ARID1A: variants seen among roughly 807,000 people sequenced by gnomAD.
ARID1A encodes the protein AT-rich interactive domain-containing protein 1A.
A neutral mutation model predicts 212.6 loss-of-function variants in ARID1A; 20 were observed. The ratio of observed to expected loss-of-function variants is 0.09; its 90% CI spans 0.07 to 0.14. ARID1A has a LOEUF of 0.14. ARID1A is among the 10% of genes least tolerant of loss of function. The pLI is 1.00. For missense variants in ARID1A, 2,587 were observed against 3,059.0 expected, an observed-to-expected ratio of 0.85 and a Z score of 3.64; for synonymous variants, 1,376 against 1,222.1, an observed-to-expected ratio of 1.13 and a Z score of -2.63.
At chr1:26,734,867 A>G (rs1477294152) in intron 4 of ARID1A, among the ~76,000 whole-genome samples, 1 of 152,214 alleles carries the variant, frequency 6.6e-6, no homozygotes, top group African/African-American at 2.4e-5. Flanking sequence ...TATTGGCACC[A>G]GAGCAGATTC....
chr1:26,760,686 CA>C (rs201898727), intron 4 of ARID1A, among the ~76,000 whole-genome samples, 169 bp from the exon 5 acceptor site: 86 of 145,250 alleles, frequency 5.9e-4, no homozygotes, highest in African/African-American at 1.9e-3. Context: ...AACACTGTCT[CA>C]AAAAAAAAAA....
intron 4 of ARID1A, among the ~76,000 whole-genome samples, chr1:26,733,754 G>A (rs1205977224): frequency 1.3e-5 from 2 of 152,188 alleles, no homozygotes; most frequent in African/African-American, 4.8e-5. Flanking sequence ...GCTTCAGTTA[G>A]GAAATGGAAA....
At chr1:26,747,084 A>G (rs2080842924) in intron 4 of ARID1A, among the ~76,000 whole-genome samples, 1 of 152,198 alleles carries the variant, frequency 6.6e-6, no homozygotes, top group African/African-American at 2.4e-5. Flanking sequence ...ACCATACCTG[A>G]TAAATCAAGC....
Position 26,771,403 on chromosome 1 carries a change from A to C in ARID1A, c.3406+77A>C. On this transcript the variant is annotated intron_variant, in intron 12 of 19. Transcript: ENST00000324856. This position sits in a 1 kb window ranked among gnomAD's most constrained non-coding sequence, Gnocchi z 5.4. ...GCCTCTTATTCAGGATATGAATAAG[A>C]GGCTTATCCAACAGGATATGCCAAG... The C allele has an allele frequency of 1.4e-6, 2 of 1,440,984 alleles. No homozygotes were observed. The highest frequency in any genetic ancestry group is 1.9e-6 in the Non-Finnish European group (2 of 1,040,192). 89.3% of individuals were successfully genotyped at this position (1,440,984 alleles called of 1,614,324 possible). A position where few individuals can be genotyped will look rare whatever the true frequency, so the allele number is the denominator to read the frequency against.
intron 10 of ARID1A, among the ~76,000 whole-genome samples, chr1:26,767,264 T>C (rs2081047617): frequency 6.6e-6 from 1 of 152,212 alleles, no homozygotes; most frequent in Non-Finnish European, 1.5e-5. Context: ...TTCAACCAGG[T>C]GGGAAACCTT....
In ARID1A at chr1:26,774,821, ATGC is replaced by A. The variant is rs1557616461; in HGVS notation, c.4598_4600del (p.Leu1533del). On this transcript the variant is annotated inframe_deletion, in exon 18 of 20. Transcript: ENST00000324856. The surrounding 1 kb of genome is among the most constrained non-coding windows in gnomAD (Gnocchi z 5.6). ...TCATGGCGTGAACCGAACAGATGAAATGCTGCACACAGATCAGAGGGCCAACCA... is the reference window on the plus strand; with the variant it reads ...TCATGGCGTGAACCGAACAGATGAAATGCACACAGATCAGAGGGCCAACCA... 4 of 1,613,908 alleles carry A rather than the reference ATGC, an allele frequency of 2.5e-6. No individual in the cohort carries two copies. Among genetic ancestry groups the A allele is most frequent in the Admixed American group, 3.3e-5 (2 of 59,980 alleles).
At chr1:26,762,340 G>A (rs2081000295) in intron 7 of ARID1A, 21 bp downstream of exon 7, 2 of 1,607,652 alleles carry the variant, frequency 1.2e-6, no homozygotes, top group Non-Finnish European at 1.7e-6. Flanking sequence ...TACCCAGTTA[G>A]GAGTAGATAC....
chr1:26,733,697 A>C (rs1230599753), intron 4 of ARID1A, among the ~76,000 whole-genome samples: 1 of 152,206 alleles, frequency 6.6e-6, no homozygotes, highest in Non-Finnish European at 1.5e-5. Flanking sequence ...TCTGAAATCT[A>C]GTCATCTAGT....
chr1:26,735,524 T>G (rs892415407), intron 4 of ARID1A, among the ~76,000 whole-genome samples: 1 of 152,184 alleles, frequency 6.6e-6, no homozygotes, highest in African/African-American at 2.4e-5. Flanking sequence ...ACTCCTGATC[T>G]CAGGTGATCC....
Position 26,771,831 on chromosome 1 carries a change from C to T in ARID1A, c.3406+505C>T. The T allele has an allele frequency of 5.9e-6, 1 of 169,008 alleles. No homozygotes were observed. The allele number at this position is 169,008 out of a possible 1,614,324, so 10.5% of individuals were successfully genotyped here. A position where few individuals can be genotyped will look rare whatever the true frequency, so the allele number is the denominator to read the frequency against. ...AGAGGAGGCTGAGGCCTAGGGTGAG[C>T]CTAGAGAGGGAAGAAGGCCAGGGTG... On this transcript the variant is annotated intron_variant, in intron 12 of 19. Transcript: ENST00000324856. This position sits in a 1 kb window ranked among gnomAD's most constrained non-coding sequence, Gnocchi z 5.4.
At chr1:26,710,468 G>A (rs1488198884) in intron 1 of ARID1A, among the ~76,000 whole-genome samples, 1 of 114,304 alleles carries the variant, frequency 8.7e-6, no homozygotes, top group African/African-American at 4.1e-5. Flanking sequence ...AGAGCGAGAT[G>A]CCATCTCAAA....
At position 26,780,328 on chromosome 1, in the gene ARID1A, C is replaced by T. The variant is rs1225282643; in HGVS notation, c.6430C>T (p.Leu2144=). The change falls in exon 20 of 20, where the codon CTG becomes TTG. Residue 2144 remains leucine (L), a synonymous_variant. Transcript: ENST00000324856. The surrounding 1 kb of genome is among the most constrained non-coding windows in gnomAD (Gnocchi z 7.2). ...TCTGGCCACACCCCCCTTCAGCCGCCTGGAGAAGTTGTATAGCACTATGGT... is the reference window on the plus strand; with the variant it reads ...TCTGGCCACACCCCCCTTCAGCCGCTTGGAGAAGTTGTATAGCACTATGGT... ...LILATPPFSR[L]EKLYSTMVRF... is the part of the protein sequence containing the mutation. The T allele has an allele frequency of 6.2e-7, 1 of 1,614,252 alleles. No individual in the cohort carries two copies. The highest frequency in any genetic ancestry group is 8.5e-7 in the Non-Finnish European group (1 of 1,180,036).
intron 4 of ARID1A, among the ~76,000 whole-genome samples, chr1:26,747,997 GT>G (rs1557601057): frequency 6.6e-6 from 1 of 152,116 alleles, no homozygotes; most frequent in Admixed American, 6.5e-5. Context: ...TTGTATTCTG[GT>G]TTAAGATTCT....
chr1:26,767,369 T>TAGTAC (rs2081048472), intron 10 of ARID1A, among the ~76,000 whole-genome samples: 1 of 152,204 alleles, frequency 6.6e-6, no homozygotes, highest in Admixed American at 6.5e-5. Context: ...CTCTAAAACA[T>TAGTAC]AGTACCTAAG....
At chr1:26,735,567 T>C (rs905013200) in intron 4 of ARID1A, among the ~76,000 whole-genome samples, 3 of 152,178 alleles carry the variant, frequency 2.0e-5, no homozygotes, top group African/African-American at 7.2e-5. Context: ...GCTGGGATTA[T>C]AGGCGTGAGC....
intron 1 of ARID1A, 49 bp from the exon 2 acceptor site, chr1:26,729,602 G>A (rs376023955): frequency 5.7e-5 from 91 of 1,600,216 alleles, no homozygotes; most frequent in Non-Finnish European, 7.4e-5. Context: ...ATATTCAGTG[G>A]CCAGAGGCCA....
chr1:26,710,879 TAGGGG>T (rs2080447103), intron 1 of ARID1A, among the ~76,000 whole-genome samples: 1 of 152,222 alleles, frequency 6.6e-6, no homozygotes, highest in South Asian at 2.1e-4. Context: ...TGCTTGAGGC[TAGGGG>T]AGTGTGTTAG....
In ARID1A at chr1:26,766,205, C is replaced by T. The variant is rs371372102; in HGVS notation, c.2733-16C>T. On this transcript the variant is annotated splice_polypyrimidine_tract_variant and intron_variant, in intron 8 of 19. Transcript: ENST00000324856. ...GTCTAACCTTTGTCTCTCTCACTTT[C>T]CATCTTCTTCCTTAGGCCGCCAGGC... is the stretch of plus-strand genomic sequence containing the variant. 1 of 1,610,822 alleles carries T rather than the reference C, an allele frequency of 6.2e-7. No homozygotes were observed. Among genetic ancestry groups the T allele is most frequent in the Non-Finnish European group, 8.5e-7 (1 of 1,178,554 alleles).
intron 19 of ARID1A, 200 bp from the exon 20 acceptor site, chr1:26,778,823 G>T (rs1311359266): frequency 1.5e-5 from 7 of 482,634 alleles, no homozygotes; most frequent in Non-Finnish European, 2.5e-5. Context: ...CGTGAAGGTA[G>T]GTTGGGCAGA....
Sources: allele counts gnomAD v4.1 joint callset (sites outside exome capture counted in the v4.1 genomes callset), GRCh38; gene constraint gnomAD v4.1.1; non-coding constraint Gnocchi (gnomAD v3.1); transcripts MANE v1.5; gene names NCBI Gene and HGNC (gene_info 2026-07-23, HGNC 2026-07-21).